OCA2: variants seen among roughly 807,000 people sequenced by gnomAD.
OCA2 encodes OCA2 melanosomal transmembrane protein.
Under a neutral mutation model 100.2 loss-of-function variants are expected in OCA2, and 77 were observed. The observed-to-expected ratio is 0.77, with a 90% CI of 0.64 to 0.93. OCA2 has a LOEUF of 0.93. Among genes scored for constraint, OCA2 ranks in the 40% least tolerant of loss-of-function variants. The pLI is 0.00. For synonymous variants in OCA2, 432 were observed against 439.2 expected (o/e 0.98, Z 0.21); for missense variants, 1,062 against 1,089.1 (o/e 0.98, Z 0.35).
chr15:27,959,161 C>T (rs2040328898), intron 15 of OCA2, among the ~76,000 whole-genome samples: 1 of 152,244 alleles, frequency 6.6e-6, no homozygotes, highest in Admixed American at 6.5e-5. Context: ...TCTAAAGCTT[C>T]AGCCCTACCA....
chr15:27,777,760 G>A (rs2032318575), intron 23 of OCA2, among the ~76,000 whole-genome samples: 2 of 152,174 alleles, frequency 1.3e-5, no homozygotes, highest in African/African-American at 4.8e-5. Context: ...TGCCTGGCCT[G>A]GTGGCTCAGA....
intron 19 of OCA2, among the ~76,000 whole-genome samples, chr15:27,882,723 T>C (rs2037070531): frequency 6.6e-6 from 1 of 152,238 alleles, no homozygotes; most frequent in African/African-American, 2.4e-5. Context: ...ACTAATTGGC[T>C]TCTGACCACA....
At chr15:27,762,717 T>G (rs1177162071) in intron 23 of OCA2, among the ~76,000 whole-genome samples, 2 of 152,184 alleles carry the variant, frequency 1.3e-5, no homozygotes, top group African/African-American at 4.8e-5. Context: ...AGGTAACATT[T>G]GTTCCTGCAC....
chr15:27,806,384 C>T (rs991800252), intron 23 of OCA2, among the ~76,000 whole-genome samples: 2 of 152,216 alleles, frequency 1.3e-5, no homozygotes, highest in African/African-American at 2.4e-5. Flanking sequence ...GAAAAACTGG[C>T]CTTCCTACCG....
At chr15:28,085,535 C>G (rs1464745306) in intron 1 of OCA2, among the ~76,000 whole-genome samples, 1 of 152,118 alleles carries the variant, frequency 6.6e-6, no homozygotes, top group Non-Finnish European at 1.5e-5. Context: ...TCTCCAAGAG[C>G]AAAACGTCCC....
intron 23 of OCA2, among the ~76,000 whole-genome samples, chr15:27,799,554 G>A (rs1360979852): frequency 6.6e-6 from 1 of 152,054 alleles, no homozygotes; most frequent in African/African-American, 2.4e-5. Flanking sequence ...AGACCAACCT[G>A]GCCAACATCG....
chr15:27,903,520 C>G (rs2038047760), intron 19 of OCA2, among the ~76,000 whole-genome samples: 2 of 152,196 alleles, frequency 1.3e-5, no homozygotes, highest in African/African-American at 2.4e-5. Flanking sequence ...TGGAGTCTTG[C>G]TCTGTTGCCC....
chr15:27,956,755 T>A (rs1176736830), intron 16 of OCA2, among the ~76,000 whole-genome samples: 1 of 152,190 alleles, frequency 6.6e-6, no homozygotes, highest in Non-Finnish European at 1.5e-5. Flanking sequence ...ATGAAGCCAA[T>A]GGCACTGAGC....
At chr15:27,993,134 C>CAAA (rs1566770517) in intron 9 of OCA2, among the ~76,000 whole-genome samples, 1 of 151,894 alleles carries the variant, frequency 6.6e-6, no homozygotes, top group Non-Finnish European at 1.5e-5. Context: ...AAACAAAAAA[C>CAAA]AAAAAAGAGT....
chr15:28,028,049 T>A lies in OCA2; in HGVS notation c.337A>T (p.Ile113Leu), dbSNP rs529695988. 13 of 1,614,094 alleles carry A rather than the reference T, an allele frequency of 8.1e-6. No individual in the cohort carries two copies. The highest frequency in any genetic ancestry group is 1.1e-5 in the Non-Finnish European group (13 of 1,180,052). ...NSLQEKGSRC[I>L]PVYHPEFITA... ...ATGAACTCTGGATGGTAAACAGGTATGCACCGTGACCTGGAAAGCAAGAGA... is the reference window on the plus strand; with the variant it reads ...ATGAACTCTGGATGGTAAACAGGTAAGCACCGTGACCTGGAAAGCAAGAGA... The change falls in exon 4 of 24, where the codon ATA becomes TTA. Residue 113 changes from isoleucine to leucine, a missense_variant. By Grantham distance (5) the Ile-to-Leu change is conservative. Transcript: ENST00000354638.
chr15:27,721,206 A>C, the OCA2 span, among the ~76,000 whole-genome samples: 1 of 152,166 alleles, frequency 6.6e-6, no homozygotes, highest in African/African-American at 2.4e-5. Context: ...ATTTATTAAC[A>C]AATAACGTAA....
At chr15:28,018,022 A>G (rs1213038632) in intron 7 of OCA2, among the ~76,000 whole-genome samples, 1 of 151,984 alleles carries the variant, frequency 6.6e-6, no homozygotes, top group Non-Finnish European at 1.5e-5. Context: ...ATGTCCACAA[A>G]CACAGTAACC....
intron 15 of OCA2, among the ~76,000 whole-genome samples, chr15:27,958,494 A>G (rs953031507): frequency 1.3e-5 from 2 of 152,218 alleles, no homozygotes; most frequent in Admixed American, 6.5e-5. Flanking sequence ...GCGCCCTCCA[A>G]CCAGGCGCCA....
chr15:27,833,726 A>G (rs1445413644), intron 23 of OCA2, among the ~76,000 whole-genome samples: 1 of 152,194 alleles, frequency 6.6e-6, no homozygotes, highest in African/African-American at 2.4e-5. Flanking sequence ...AGGCAGAGAG[A>G]AATTTCCCCT....
intron 2 of OCA2, among the ~76,000 whole-genome samples, chr15:28,051,525 C>T (rs905276024): frequency 6.6e-6 from 1 of 150,638 alleles, no homozygotes; most frequent in Non-Finnish European, 1.5e-5. Context: ...CTCCTGGCCT[C>T]AGGTGATCCG....
At position 27,779,577 on chromosome 15, in the gene OCA2, C is replaced by T. The variant is rs1012572155; in HGVS notation, c.2433-24105G>A. Among the ~76,000 whole-genome samples the T allele has an allele frequency of 2.6e-5, 4 of 152,132 alleles. No individual in the cohort carries two copies. In the East Asian group the frequency reaches 5.8e-4, roughly 22 times the overall value. The stretch of plus-strand genomic sequence containing the variant: ...CTATCTTGTCTGATATAACTATAGC[C>T]ACCCTTTTCTGGTTTAGTTACCATT... On this transcript the variant is annotated intron_variant, in intron 23 of 23. Transcript: ENST00000354638.
At chr15:27,854,263 GAGGACATGTGGAGC>G (rs2151424648) in intron 21 of OCA2, among the ~76,000 whole-genome samples, 1 of 152,334 alleles carries the variant, frequency 6.6e-6, no homozygotes, top group South Asian at 2.1e-4. Context: ...TCCCCATGGG[GAGGACATGTGGAGC>G]AGGGTCCGCC....
chr15:27,949,458 T>C (rs1210338980), intron 18 of OCA2, among the ~76,000 whole-genome samples: 2 of 152,018 alleles, frequency 1.3e-5, no homozygotes, highest in Non-Finnish European at 2.9e-5. Context: ...AGGTCAGCAG[T>C]TTGAGACCAG....
chr15:27,750,760 A>AG (rs372463323), downstream of OCA2, among the ~76,000 whole-genome samples: 27 of 152,376 alleles, frequency 1.8e-4, no homozygotes, highest in South Asian at 1.9e-3. Flanking sequence ...GTCATAGTCA[A>AG]GGTTGGCACA....
Sources: allele counts gnomAD v4.1 joint callset (sites outside exome capture counted in the v4.1 genomes callset), GRCh38; gene constraint gnomAD v4.1.1; transcripts MANE v1.5; gene names NCBI Gene and HGNC (gene_info 2026-07-23, HGNC 2026-07-21).